The following CASZ1 variants were observed in gnomAD, a reference collection of about 807,000 sequenced individuals.
The protein encoded by CASZ1 is castor zinc finger 1.
In CASZ1, 28 loss-of-function variants were observed where a neutral mutation model predicts 135.2. That is an observed-to-expected ratio of 0.21 (90% CI 0.15 to 0.28). The LOEUF is 0.28. Among genes scored for constraint, CASZ1 ranks in the 10% least tolerant of loss-of-function variants. CASZ1 has a pLI of 1.00. For synonymous variants in CASZ1, 1,068 were observed against 1,073.4 expected (o/e 0.99, Z 0.10); for missense variants, 2,161 against 2,453.3 (o/e 0.88, Z 2.52).
In CASZ1 at chr1:10,694,426, C is replaced by T. The variant is rs964158496; in HGVS notation, c.-23-514G>A. On this transcript the variant is annotated intron_variant, in intron 3 of 20. Coordinates refer to ENST00000377022, the MANE Select transcript of CASZ1 (RefSeq NM_001079843.3). The surrounding 1 kb of genome is among the most constrained non-coding windows in gnomAD (Gnocchi z 6.6). Reference sequence around the variant, plus strand: ...TAAAGCCCTGATGTCATTGCTCCTGCCGGTAACACTCAGGGTAACAGTTTG... The same window carrying T: ...TAAAGCCCTGATGTCATTGCTCCTGTCGGTAACACTCAGGGTAACAGTTTG... The T allele has an allele frequency of 5.7e-6, 3 of 524,900 alleles. No homozygotes were observed. Among genetic ancestry groups the T allele is most frequent in the African/African-American group, 4.1e-5 (2 of 48,840 alleles). The allele number at this position is 524,900 out of a possible 1,614,324, so 32.5% of individuals were successfully genotyped here.
At chr1:10,642,692 G>A (rs1570396375) in intron 20 of CASZ1, among the ~76,000 whole-genome samples, 167 bp downstream of exon 20, 1 of 152,240 alleles carries the variant, frequency 6.6e-6, no homozygotes, top group East Asian at 1.9e-4. Context: ...AGGATGGCGG[G>A]AGGGGCCTCG....
chr1:10,680,974 C>G (rs1638398919), intron 4 of CASZ1, among the ~76,000 whole-genome samples: 1 of 152,212 alleles, frequency 6.6e-6, no homozygotes. Context: ...AATCTCGGCT[C>G]ACTGCAACCT....
At chr1:10,763,819 G>C (rs1442710960) in intron 1 of CASZ1, among the ~76,000 whole-genome samples, 1 of 152,170 alleles carries the variant, frequency 6.6e-6, no homozygotes, top group Non-Finnish European at 1.5e-5. Flanking sequence ...GATGAGCTCC[G>C]TGCAGCTTGG....
chr1:10,748,069 C>T (rs1381136861), intron 2 of CASZ1, among the ~76,000 whole-genome samples: 1 of 152,174 alleles, frequency 6.6e-6, no homozygotes, highest in African/African-American at 2.4e-5. Context: ...CCGCCCGCCT[C>T]GGCCTCCCAA....
chr1:10,678,170 G>A (rs1026331635), intron 4 of CASZ1, among the ~76,000 whole-genome samples: 1 of 152,210 alleles, frequency 6.6e-6, no homozygotes, highest in Non-Finnish European at 1.5e-5. Context: ...AGGTGGCAGA[G>A]GAACACGGGG....
intron 2 of CASZ1, among the ~76,000 whole-genome samples, chr1:10,752,601 GGCA>G (rs1229453593): frequency 3.9e-5 from 6 of 152,290 alleles, no homozygotes; most frequent in African/African-American, 1.4e-4. Context: ...AAAGTCCCCA[GGCA>G]GCTCCCCAGG....
intron 4 of CASZ1, among the ~76,000 whole-genome samples, chr1:10,685,124 G>C (rs1570472732): frequency 1.3e-5 from 2 of 152,344 alleles, no homozygotes; most frequent in South Asian, 2.1e-4. Context: ...AGGAATATAA[G>C]TTTTCATCTT....
In CASZ1 at chr1:10,777,988, C is replaced by T. The variant is rs1640691606; in HGVS notation, c.-233-17131G>A. ...TCTCATACGCAATCGCATACACAATCTCATACAGTCTCATATACACTCACT... is the reference window on the plus strand; with the variant it reads ...TCTCATACGCAATCGCATACACAATTTCATACAGTCTCATATACACTCACT... On this transcript the variant is annotated intron_variant, in intron 1 of 20. Coordinates refer to ENST00000377022, the MANE Select transcript of CASZ1 (RefSeq NM_001079843.3). This position sits in a 1 kb window ranked among gnomAD's most constrained non-coding sequence, Gnocchi z 4.4. 6.6e-6 allele frequency among the ~76,000 whole-genome samples: 1 copy of T among 152,082 alleles called. No homozygotes were observed. The highest frequency in any genetic ancestry group is 2.4e-5 in the African/African-American group (1 of 41,388).
At chr1:10,659,332 T>G (rs1642915340) in intron 6 of CASZ1, among the ~76,000 whole-genome samples, 1 of 85,418 alleles carries the variant, frequency 1.2e-5, no homozygotes, top group Non-Finnish European at 2.2e-5. Flanking sequence ...TGTGCTGTCA[T>G]GGGCAGTCCC....
In CASZ1 at chr1:10,746,259, C is replaced by T. The variant is rs556752232; in HGVS notation, c.-77+14442G>A. On this transcript the variant is annotated intron_variant, in intron 2 of 20. Coordinates refer to ENST00000377022, the MANE Select transcript of CASZ1 (RefSeq NM_001079843.3). ...GCCTCATTACACTCCATCACTCACA[C>T]GTGCGCGCACACACACGCATGCACG... 8.5e-5 allele frequency among the ~76,000 whole-genome samples: 13 copies of T among 152,220 alleles called. No homozygotes were observed. In the East Asian group the frequency reaches 1.5e-3, roughly 18 times the overall value.
intron 4 of CASZ1, among the ~76,000 whole-genome samples, chr1:10,689,408 T>TG (rs1638695439): frequency 1.3e-5 from 2 of 152,094 alleles, no homozygotes; most frequent in Non-Finnish European, 1.5e-5. Flanking sequence ...TCTGGGGCTG[T>TG]GGGGGCTGGG....
Position 10,643,324 on chromosome 1 carries a change from C to T in CASZ1, c.3869-13G>A. 6.2e-7 allele frequency: 1 copy of T among 1,611,688 alleles called. No individual in the cohort carries two copies. The highest frequency in any genetic ancestry group is 1.3e-5 in the African/African-American group (1 of 75,044). ...TTGTACTTGCAACCTGTGGACACAG[C>T]CCCACCTGGCATGAGCCCCCAGCTG... On this transcript the variant is annotated splice_polypyrimidine_tract_variant and intron_variant, in intron 18 of 20. Coordinates refer to ENST00000377022, the MANE Select transcript of CASZ1 (RefSeq NM_001079843.3).
rs1028125545 is a variant in CASZ1, at chr1:10,747,673, G to A, written c.-77+13028C>T. Among the ~76,000 whole-genome samples the A allele has an allele frequency of 3.3e-5, 5 of 152,106 alleles. No individual in the cohort carries two copies. Among genetic ancestry groups the A allele is most frequent in the Admixed American group, 3.3e-4 (5 of 15,272 alleles). ...GGCTGACATCAAAGGCTGCAGGGTC[G>A]ACCACACTGAAGACCCCCACTCTGC... On this transcript the variant is annotated intron_variant, in intron 2 of 20. Transcript: ENST00000377022. The surrounding 1 kb of genome is among the most constrained non-coding windows in gnomAD (Gnocchi z 4.3).
rs1638878783 is a variant in CASZ1 at position 10,694,632 on chromosome 1, C to T, written c.-23-720G>A. 7.0e-6 allele frequency among the ~76,000 whole-genome samples: 1 copy of T among 142,896 alleles called. No homozygotes were observed. Among genetic ancestry groups the T allele is most frequent in the Non-Finnish European group, 1.5e-5 (1 of 64,674 alleles). The allele number at this position is 142,896 out of a possible 152,430, so 93.7% of individuals were successfully genotyped here. A position where few individuals can be genotyped will look rare whatever the true frequency, so the allele number is the denominator to read the frequency against. Reference sequence around the variant, plus strand: ...CGCCGCCGCCGCCGCCCGGTGCGCCCGCCCGCCGCCCGCCGCCCGGTGCCG... The same window carrying T: ...CGCCGCCGCCGCCGCCCGGTGCGCCTGCCCGCCGCCCGCCGCCCGGTGCCG... On this transcript the variant is annotated intron_variant, in intron 3 of 20. Coordinates refer to ENST00000377022, the MANE Select transcript of CASZ1 (RefSeq NM_001079843.3). This position sits in a 1 kb window ranked among gnomAD's most constrained non-coding sequence, Gnocchi z 6.6.
Position 10,638,865 on chromosome 1 carries a change from A to G in CASZ1, c.*77T>C. On this transcript the variant is annotated 3_prime_UTR_variant, in exon 21 of 21. Coordinates refer to ENST00000377022, the MANE Select transcript of CASZ1 (RefSeq NM_001079843.3). The surrounding 1 kb of genome is among the most constrained non-coding windows in gnomAD (Gnocchi z 5.9). ...ACCGGCGGGGCGCGGGGCTCTGCCC[A>G]GGGGCCGCTTCGCGCGGGGCGGCGC... 1 of 959,294 alleles carries G rather than the reference A, an allele frequency of 1.0e-6. No individual in the cohort carries two copies. The highest frequency in any genetic ancestry group is 1.2e-6 in the Non-Finnish European group (1 of 808,454). 59.4% of individuals were successfully genotyped at this position (959,294 alleles called of 1,614,324 possible).
chr1:10,687,868 A>G (rs1638643114), intron 4 of CASZ1, among the ~76,000 whole-genome samples: 1 of 152,180 alleles, frequency 6.6e-6, no homozygotes, highest in South Asian at 2.1e-4. Flanking sequence ...CTTTCACGTC[A>G]TCCCAAATCC....
At position 10,639,119 on chromosome 1, in the gene CASZ1, G is replaced by A; in HGVS notation, c.5103C>T (p.Asp1701=). Residue 1701 remains aspartate, a synonymous_variant, in exon 21 of 21, where the codon GAC becomes GAT. Transcript: ENST00000377022. The surrounding 1 kb of genome is among the most constrained non-coding windows in gnomAD (Gnocchi z 4.0). ...CGTCCTCGTCGTCGTCCTCGTCGTC[G>A]TCGTCCTCGTCGTCGTCCTCGTCCT... ...DDEDEDDDED[D]DDEDDDEDDD... is the part of the protein sequence containing the mutation. The A allele has an allele frequency of 2.6e-6, 3 of 1,153,224 alleles. No individual in the cohort carries two copies. Among genetic ancestry groups the A allele is most frequent in the South Asian group, 2.1e-5 (1 of 47,396 alleles). 71.4% of individuals were successfully genotyped at this position (1,153,224 alleles called of 1,614,324 possible). A position where few individuals can be genotyped will look rare whatever the true frequency, so the allele number is the denominator to read the frequency against.
rs1483315331 is a variant in CASZ1, at chr1:10,789,361, G to GC, written c.-234+7202dup. Among the ~76,000 whole-genome samples the GC allele has an allele frequency of 6.0e-3, 787 of 130,836 alleles. 13 individuals are homozygous for GC. The highest frequency in any genetic ancestry group is 0.02 in the African/African-American group (724 of 35,488). 85.8% of individuals were successfully genotyped at this position (130,836 alleles called of 152,430 possible). The stretch of plus-strand genomic sequence containing the variant: ...TGCCACTTCCCCAGGGCCTCTGCCT[G>GC]CCCCCCGCACCCCCTCCTCTGCTGG... On this transcript the variant is annotated intron_variant, in intron 1 of 20. Coordinates refer to ENST00000377022, the MANE Select transcript of CASZ1 (RefSeq NM_001079843.3).
Position 10,660,337 on chromosome 1 carries a change from C to A in CASZ1, c.705G>T (p.Arg235=), listed in dbSNP as rs1417645745. 3 of 1,614,164 alleles carry A rather than the reference C, an allele frequency of 1.9e-6. No homozygotes were observed. The highest frequency in any genetic ancestry group is 2.5e-6 in the Non-Finnish European group (3 of 1,180,026). Residue 235 remains arginine, a synonymous_variant, in exon 6 of 21, where the codon CGG becomes CGT. Coordinates refer to ENST00000377022, the MANE Select transcript of CASZ1 (RefSeq NM_001079843.3). The stretch of plus-strand genomic sequence containing the variant: ...GGATGTACTCCTCATACTTAGAGAA[C>A]CGCGCCCGCTTGCTGAGGGTATCCT... ...TSEDTLSKRA[R]FSKYEEYIRK... is the part of the protein sequence containing the mutation.
Sources: gnomAD v4.1 joint callset for allele counts (sites outside exome capture counted in the v4.1 genomes callset) on GRCh38, gnomAD v4.1.1 for gene constraint, Gnocchi (gnomAD v3.1) non-coding constraint, MANE v1.5 for transcripts, NCBI Gene and HGNC (gene_info 2026-07-23, HGNC 2026-07-21) for gene names.